Variants in IFT74 observed in about 807,000 individuals in gnomAD.
IFT74 encodes intraflagellar transport 74, also known as intraflagellar transport protein 74 homolog.
In IFT74, 92 loss-of-function variants were observed where a neutral mutation model predicts 96.7. The observed-to-expected ratio is 0.95, with a 90% CI of 0.80 to 1.13. The LOEUF (loss-of-function observed/expected upper bound fraction) is 1.13. IFT74 is among the 50% of genes most tolerant of loss of function. The pLI, the probability that IFT74 is intolerant of heterozygous loss-of-function variation, is 0.00. For missense variants in IFT74, 811 were observed against 698.2 expected (o/e 1.16, Z -1.82); for synonymous variants, 223 against 213.2 (o/e 1.05, Z -0.40).
intron 19 of IFT74, among the ~76,000 whole-genome samples, chr9:27,062,198 G>A (rs1734704027): frequency 6.6e-6 from 1 of 152,142 alleles, no homozygotes; most frequent in South Asian, 2.1e-4. Flanking sequence ...TCTCACACTG[G>A]AGTTTTGTGC....
intron 8 of IFT74, among the ~76,000 whole-genome samples, chr9:27,008,708 C>T (rs944921984): frequency 6.6e-6 from 1 of 151,924 alleles, no homozygotes; most frequent in Non-Finnish European, 1.5e-5. Flanking sequence ...TAAATGCATC[C>T]TCATATATAT....
At chr9:27,018,809 TG>T (rs1399806411) in intron 12 of IFT74, 122 bp downstream of exon 12, 1 of 509,308 alleles carries the variant, frequency 2.0e-6, no homozygotes, top group African/African-American at 1.9e-5. Context: ...TTTCTTTGAG[TG>T]TTTAAGAGCC....
intron 3 of IFT74, among the ~76,000 whole-genome samples, chr9:26,980,225 A>C (rs1381531294): frequency 6.6e-6 from 1 of 152,202 alleles, no homozygotes. Flanking sequence ...TTTATTGGAC[A>C]GTGTTAATTT....
At chr9:26,996,475 C>T (rs1192428852) in intron 8 of IFT74, 3 of 1,506,018 alleles carry the variant, frequency 2.0e-6, no homozygotes, top group Non-Finnish European at 2.7e-6. Flanking sequence ...GTTGGGGTAG[C>T]TACACATGGT....
intron 6 of IFT74, 118 bp downstream of exon 6, chr9:26,984,677 C>T (rs1315999084): frequency 5.7e-6 from 4 of 707,214 alleles, no homozygotes; most frequent in African/African-American, 3.6e-5. Flanking sequence ...AGAAGACAAA[C>T]ATGCAGCCAA....
chr9:27,023,160 T>C (rs1829696306), intron 12 of IFT74, among the ~76,000 whole-genome samples: 1 of 152,184 alleles, frequency 6.6e-6, no homozygotes, highest in East Asian at 1.9e-4. Flanking sequence ...TCATTTCTTT[T>C]TTCTGATTGC....
Position 26,966,722 on chromosome 9 carries a change from G to C in IFT74, c.120+4635G>C, listed in dbSNP as rs143178112. ...TTGCTTTGGTTTCCTTTGCTTGTGG[G>C]ATATTACTCAAGAAATCTTTGCTTA... On this transcript the variant is annotated intron_variant, in intron 2 of 19. Coordinates refer to ENST00000380062, the MANE Select transcript of IFT74 (RefSeq NM_025103.4). Among the ~76,000 whole-genome samples, 80 of 152,088 alleles carry C rather than the reference G, an allele frequency of 5.3e-4. 1 individual carries two copies. In the East Asian group the frequency reaches 0.015, roughly 29 times the overall value.
At chr9:27,051,611 C>T (rs1049519296) in intron 16 of IFT74, among the ~76,000 whole-genome samples, 15 of 152,292 alleles carry the variant, frequency 9.8e-5, no homozygotes, top group East Asian at 9.6e-4. Context: ...TGGAGACCAC[C>T]GTTCTACTTC....
intron 7 of IFT74, among the ~76,000 whole-genome samples, chr9:26,989,696 T>G (rs958524458): frequency 6.6e-6 from 1 of 152,106 alleles, no homozygotes. Flanking sequence ...TTGTTTGGGA[T>G]GGGGGGTCTG....
intron 13 of IFT74, chr9:27,036,324 T>G: frequency 1.5e-6 from 2 of 1,305,620 alleles, no homozygotes; most frequent in Non-Finnish European, 2.0e-6. Context: ...AGAATGTATA[T>G]TTAGAAAATT....
At chr9:26,967,577 C>T (rs1313323819) in intron 2 of IFT74, among the ~76,000 whole-genome samples, 2 of 151,930 alleles carry the variant, frequency 1.3e-5, no homozygotes, top group African/African-American at 4.8e-5. Context: ...GTTTGGATGC[C>T]CTTTATTTCT....
chr9:27,048,011 A>C (rs1158493293), intron 15 of IFT74, 137 bp from the exon 16 acceptor site: 11 of 482,422 alleles, frequency 2.3e-5, no homozygotes, highest in East Asian at 1.0e-4. Flanking sequence ...TCTATACAAT[A>C]TATAACTTGA....
upstream of IFT74, among the ~76,000 whole-genome samples, chr9:26,953,324 A>G (rs1825990756): frequency 6.6e-6 from 1 of 152,224 alleles, no homozygotes; most frequent in Non-Finnish European, 1.5e-5. Context: ...ATGTGATTTT[A>G]TGACTATAGC....
chr9:26,984,425 T>C (rs1827541896), intron 5 of IFT74, 70 bp downstream of exon 5: 1 of 1,580,482 alleles, frequency 6.3e-7, no homozygotes, highest in African/African-American at 1.4e-5. Context: ...GCTATCCATA[T>C]TGTTTGTAAT....
chr9:27,037,578 TAGA>T (rs1276913333), intron 13 of IFT74, among the ~76,000 whole-genome samples: 4 of 152,310 alleles, frequency 2.6e-5, no homozygotes, highest in South Asian at 4.1e-4. Flanking sequence ...AAACTTGTTA[TAGA>T]AGAAGAGGCC....
In IFT74 at chr9:27,036,193, G is replaced by A. The variant is rs187454525; in HGVS notation, c.1054+7089G>A. On this transcript the variant is annotated intron_variant, in intron 13 of 19. Coordinates refer to ENST00000380062, the MANE Select transcript of IFT74 (RefSeq NM_025103.4). ...TTGTCTTCACATTGAGTAGACTGAG[G>A]AAGAGGAGGAAGAGTTTGGTCTTGC... Among the ~76,000 whole-genome samples, 5 of 152,314 alleles carry A rather than the reference G, an allele frequency of 3.3e-5. No individual in the cohort carries two copies. The East Asian group carries it at 7.7e-4, about 24-fold the overall frequency.
At chr9:26,965,355 G>A (rs1428685831) in intron 2 of IFT74, among the ~76,000 whole-genome samples, 2 of 152,114 alleles carry the variant, frequency 1.3e-5, no homozygotes, top group African/African-American at 2.4e-5. Flanking sequence ...GGGTCCTATG[G>A]TTAACTCATA....
chr9:27,048,205 C>G lies in IFT74; in HGVS notation c.1264C>G (p.Gln422Glu). Reference protein sequence around the residue: ...SITNQELKMMQDDLNFKSTEV... With the variant: ...SITNQELKMMEDDLNFKSTEV... ...CACCAATCAAGAGCTAAAGATGATG[C>G]AGGATGACCTCAATTTTAAATCTAC... The change falls in exon 16 of 20, where the codon CAG (glutamine) becomes GAG (glutamate). Residue 422 changes from glutamine (Q) to glutamate (E), a missense_variant. By Grantham distance (29) the Gln-to-Glu change is conservative. Transcript: ENST00000380062. 1 of 1,600,650 alleles carries G rather than the reference C, an allele frequency of 6.2e-7. No individual in the cohort carries two copies. Among genetic ancestry groups the G allele is most frequent in the Non-Finnish European group, 8.6e-7 (1 of 1,168,968 alleles).
chr9:26,987,081 G>A (rs72703105), intron 6 of IFT74, among the ~76,000 whole-genome samples: 1 of 151,750 alleles, frequency 6.6e-6, no homozygotes, highest in Non-Finnish European at 1.5e-5. Context: ...ATGGAGTCTC[G>A]CTCTGTCATC....
Sources: allele counts gnomAD v4.1 joint callset (sites outside exome capture counted in the v4.1 genomes callset), GRCh38; gene constraint gnomAD v4.1.1; transcripts MANE v1.5; gene names NCBI Gene and HGNC (gene_info 2026-07-23, HGNC 2026-07-21).